The following IMPA1 variants were observed in gnomAD, a reference collection of about 807,000 sequenced individuals.
The protein encoded by IMPA1 is D-galactose 1-phosphate phosphatase.
A neutral mutation model predicts 34.9 loss-of-function variants in IMPA1; 21 were observed. The ratio of observed to expected loss-of-function variants is 0.60; its 90% CI spans 0.43 to 0.87. The LOEUF (loss-of-function observed/expected upper bound fraction) is 0.87. Ranked by LOEUF, IMPA1 falls within the 40% of genes least tolerant of loss-of-function variation. IMPA1 has a pLI of 0.00. For missense variants in IMPA1, 299 were observed against 336.4 expected (o/e 0.89, Z 0.87); for synonymous variants, 95 against 104.4 (o/e 0.91, Z 0.55).
At chr8:81,664,361 A>G (rs933864964) in intron 7 of IMPA1, among the ~76,000 whole-genome samples, 1 of 152,212 alleles carries the variant, frequency 6.6e-6, no homozygotes, top group South Asian at 2.1e-4. Context: ...ACCTCTAAGT[A>G]GAAGAAAAAC....
intron 7 of IMPA1, among the ~76,000 whole-genome samples, chr8:81,662,251 C>T (rs887512622): frequency 2.0e-5 from 3 of 152,098 alleles, no homozygotes; most frequent in Admixed American, 6.6e-5. Context: ...CCACTTCTCC[C>T]ATGAGATATG....
rs149891590 is a variant in IMPA1, at chr8:81,673,967, T to A, written c.349-18A>T. 5.4e-5 allele frequency: 81 copies of A among 1,491,684 alleles called. No individual in the cohort carries two copies. The African/African-American group carries it at 1.0e-3, about 19-fold the overall frequency. 92.4% of individuals were successfully genotyped at this position (1,491,684 alleles called of 1,614,324 possible). A position where few individuals can be genotyped will look rare whatever the true frequency, so the allele number is the denominator to read the frequency against. ...AATTCTATCTGCAGAGGAAAACAAG[T>A]TTCCTTTACCAAACCTAAGTATGTT... On this transcript the variant is annotated intron_variant, in intron 5 of 8. Transcript: ENST00000256108.
intron 7 of IMPA1, among the ~76,000 whole-genome samples, chr8:81,662,549 T>A (rs753155736): frequency 2.9e-4 from 44 of 152,250 alleles, no homozygotes; most frequent in Admixed American, 5.9e-4. Flanking sequence ...GTGTTCTGAA[T>A]CCTATCTTAT....
Position 81,679,782 on chromosome 8 carries a change from G to A in IMPA1, c.198-552C>T, listed in dbSNP as rs374857520. On this transcript the variant is annotated intron_variant, in intron 3 of 8. Transcript: ENST00000256108. ...TCAAATTATAAGATGTTATACTAGG[G>A]TAAGGTGTGTGCACACACACATTTG... Among the ~76,000 whole-genome samples, 38 of 152,216 alleles carry A rather than the reference G, an allele frequency of 2.5e-4. No homozygotes were observed. The East Asian group carries it at 5.8e-3, about 23-fold the overall frequency.
At chr8:81,677,110 T>C (rs1005799918) in intron 4 of IMPA1, among the ~76,000 whole-genome samples, 2 of 152,302 alleles carry the variant, frequency 1.3e-5, no homozygotes, top group Admixed American at 6.5e-5. Context: ...TTTTTTTTTT[T>C]TGGAGACGAA....
chr8:81,673,723 T>C (rs1807054532), intron 6 of IMPA1, 118 bp downstream of exon 6: 1 of 630,248 alleles, frequency 1.6e-6, no homozygotes, highest in South Asian at 2.0e-5. Context: ...AATAAAGAGA[T>C]AATAAACACA....
chr8:81,661,332 T>C (rs1806666976), intron 7 of IMPA1, among the ~76,000 whole-genome samples: 1 of 152,214 alleles, frequency 6.6e-6, no homozygotes, highest in Non-Finnish European at 1.5e-5. Context: ...CTCCACAAGA[T>C]ACATAATAAG....
In IMPA1 at chr8:81,660,676, T is replaced by A; in HGVS notation, c.567-9A>T. ...TTCCAACACTCCGGATCCTAACAAA[T>A]AGAATTTAGAAATAAAATTGGAAAA... On this transcript the variant is annotated splice_polypyrimidine_tract_variant and intron_variant, in intron 7 of 8. Coordinates refer to ENST00000256108, the MANE Select transcript of IMPA1 (RefSeq NM_005536.4). 1 of 1,584,230 alleles carries A rather than the reference T, an allele frequency of 6.3e-7. No individual in the cohort carries two copies. The highest frequency in any genetic ancestry group is 1.1e-5 in the South Asian group (1 of 87,174).
At chr8:81,685,055 C>A (rs1351801280) in intron 1 of IMPA1, among the ~76,000 whole-genome samples, 1 of 128,020 alleles carries the variant, frequency 7.8e-6, no homozygotes, top group African/African-American at 3.1e-5. Context: ...ATATACTATA[C>A]ATAAGTATAT....
chr8:81,678,977 C>CT, intron 4 of IMPA1, 149 bp downstream of exon 4: 1 of 565,618 alleles, frequency 1.8e-6, no homozygotes, highest in Non-Finnish European at 3.1e-6. Flanking sequence ...TTTTGCTCCA[C>CT]TTTTACATTT....
Position 81,660,589 on chromosome 8 carries a change from T to A in IMPA1, c.645A>T (p.Gly215=). ...CTCCTGCAACATCCCAGCAGTGAAT[T>A]CCCATTTCATAATATGCATCTGCTC... The part of the protein sequence containing the change: ...TGGADAYYEM[G]IHCWDVAGAG... Residue 215 remains glycine, a synonymous_variant, in exon 8 of 9, where the codon GGA becomes GGT. Transcript: ENST00000256108. 1 of 1,613,798 alleles carries A rather than the reference T, an allele frequency of 6.2e-7. No homozygotes were observed. Among genetic ancestry groups the A allele is most frequent in the East Asian group, 2.2e-5 (1 of 44,884 alleles).
At chr8:81,683,438 T>C (rs957263648) in intron 1 of IMPA1, among the ~76,000 whole-genome samples, 22 of 152,116 alleles carry the variant, frequency 1.4e-4, no homozygotes, top group African/African-American at 4.8e-4. Context: ...GAGTCAGAGA[T>C]ACCTGTTTTG....
At chr8:81,675,950 C>A (rs1460045130) in intron 5 of IMPA1, among the ~76,000 whole-genome samples, 1 of 152,200 alleles carries the variant, frequency 6.6e-6, no homozygotes, top group Non-Finnish European at 1.5e-5. Flanking sequence ...AACTTCTATC[C>A]CATCTGACTC....
chr8:81,685,261 A>ATATT (rs199796976), intron 1 of IMPA1, among the ~76,000 whole-genome samples: 28,300 of 80,086 alleles, frequency 0.35, 8,373 homozygotes, highest in East Asian at 0.88. Flanking sequence ...ATACATAAGT[A>ATATT]TAGATACTAT....
chr8:81,682,829 A>C (rs980898420), intron 1 of IMPA1, among the ~76,000 whole-genome samples: 8 of 152,212 alleles, frequency 5.3e-5, no homozygotes, highest in African/African-American at 1.9e-4. Flanking sequence ...CCCAGAAGTC[A>C]CTATGTCCTT....
intron 7 of IMPA1, among the ~76,000 whole-genome samples, chr8:81,665,549 T>C (rs1315953191): frequency 4.6e-5 from 7 of 151,602 alleles, no homozygotes; most frequent in Non-Finnish European, 1.5e-5. Context: ...AAGAAAAAAA[T>C]AACAGAAGTG....
intron 7 of IMPA1, 140 bp from the exon 8 acceptor site, chr8:81,660,807 T>C (rs1057403001): frequency 2.2e-5 from 11 of 493,236 alleles, no homozygotes; most frequent in Non-Finnish European, 3.2e-5. Context: ...TGATATCTAA[T>C]TGTAAAATAA....
intron 7 of IMPA1, among the ~76,000 whole-genome samples, chr8:81,661,025 T>C (rs1806658754): frequency 6.6e-6 from 1 of 152,180 alleles, no homozygotes; most frequent in Non-Finnish European, 1.5e-5. Flanking sequence ...CATATACACA[T>C]ACCCACAATG....
At chr8:81,685,619 A>T (rs939462142) in intron 1 of IMPA1, 2 of 238,254 alleles carry the variant, frequency 8.4e-6, no homozygotes, top group Non-Finnish European at 1.5e-5. Flanking sequence ...TATACTATAC[A>T]TAAGTATATT....
Sources: allele counts gnomAD v4.1 joint callset (sites outside exome capture counted in the v4.1 genomes callset), GRCh38; gene constraint gnomAD v4.1.1; transcripts MANE v1.5; gene names NCBI Gene and HGNC (gene_info 2026-07-23, HGNC 2026-07-21).